Variants in KIAA1328 observed in about 807,000 individuals in gnomAD.
KIAA1328 encodes protein hinderin.
In KIAA1328, 52 loss-of-function variants were observed where a neutral mutation model predicts 68.1. The observed-to-expected ratio is 0.76, with a 90% CI of 0.61 to 0.96. The LOEUF is 0.96. KIAA1328 is among the 40% of genes least tolerant of loss of function. The pLI is 0.00. For synonymous variants in KIAA1328, 232 were observed against 239.4 expected (o/e 0.97, Z 0.28); for missense variants, 641 against 677.6 (o/e 0.95, Z 0.60).
At chr18:37,093,067 A>G (rs2057309731) in intron 7 of KIAA1328, among the ~76,000 whole-genome samples, 1 of 152,190 alleles carries the variant, frequency 6.6e-6, no homozygotes, top group East Asian at 1.9e-4. Flanking sequence ...AAAATCATGA[A>G]GACTACACTA....
chr18:36,925,388 G>T (rs928490344), intron 5 of KIAA1328, among the ~76,000 whole-genome samples: 1 of 152,168 alleles, frequency 6.6e-6, no homozygotes, highest in Non-Finnish European at 1.5e-5. Flanking sequence ...GTGTTTTGTA[G>T]ACCATGAATT....
intron 3 of KIAA1328, among the ~76,000 whole-genome samples, chr18:36,840,237 G>T (rs1277327812): frequency 1.3e-5 from 2 of 152,096 alleles, no homozygotes; most frequent in Admixed American, 1.3e-4. Flanking sequence ...TGTGTTGCCT[G>T]CTATCCAATG....
intron 5 of KIAA1328, among the ~76,000 whole-genome samples, chr18:36,927,946 G>A (rs935926733): frequency 2.0e-5 from 3 of 152,070 alleles, no homozygotes; most frequent in Non-Finnish European, 2.9e-5. Flanking sequence ...GAGTGCCCTC[G>A]TAAGAACAAG....
At chr18:37,178,263 A>G (rs1001821675) in intron 9 of KIAA1328, among the ~76,000 whole-genome samples, 6 of 152,064 alleles carry the variant, frequency 3.9e-5, no homozygotes, top group African/African-American at 1.4e-4. Context: ...CTTCTATGAG[A>G]TCAACGTTTC....
At chr18:37,060,372 G>A (rs561937999) in intron 6 of KIAA1328, among the ~76,000 whole-genome samples, 13 of 152,114 alleles carry the variant, frequency 8.5e-5, no homozygotes, top group African/African-American at 2.7e-4. Context: ...ACATTCACAT[G>A]ACCAAAAAGC....
intron 9 of KIAA1328, among the ~76,000 whole-genome samples, chr18:37,197,266 C>G (rs1291774728): frequency 1.3e-5 from 2 of 151,694 alleles, no homozygotes; most frequent in Non-Finnish European, 2.9e-5. Flanking sequence ...TTTTTAAAAA[C>G]CTACTTTTTG....
intron 7 of KIAA1328, among the ~76,000 whole-genome samples, chr18:37,070,745 A>G (rs2056496503): frequency 6.6e-6 from 1 of 151,578 alleles, no homozygotes; most frequent in Admixed American, 6.6e-5. Flanking sequence ...TAGTTTTTAT[A>G]TATGTATTTT....
chr18:37,107,947 A>G (rs1314635664), intron 7 of KIAA1328, among the ~76,000 whole-genome samples: 1 of 152,150 alleles, frequency 6.6e-6, no homozygotes, highest in African/African-American at 2.4e-5. Flanking sequence ...AAACGCAGCC[A>G]CTGTAGAAAG....
intron 7 of KIAA1328, among the ~76,000 whole-genome samples, chr18:37,087,307 G>A (rs956845067): frequency 1.4e-4 from 21 of 152,138 alleles, no homozygotes; most frequent in Admixed American, 9.8e-4. Context: ...TAATCTACCC[G>A]CCTCAGCTTC....
At chr18:37,221,033 T>A (rs1257168954) in intron 9 of KIAA1328, among the ~76,000 whole-genome samples, 1 of 151,998 alleles carries the variant, frequency 6.6e-6, no homozygotes, top group African/African-American at 2.4e-5. Context: ...CACCATGTTG[T>A]CCAGGCTGGT....
intron 9 of KIAA1328, among the ~76,000 whole-genome samples, chr18:37,191,125 C>T (rs1471384576): frequency 3.3e-5 from 5 of 152,188 alleles, no homozygotes; most frequent in Admixed American, 6.5e-5. Context: ...TCTCTGTTGA[C>T]TCCCATTCCC....
intron 1 of KIAA1328, chr18:36,832,939 C>G (rs1048506884): frequency 2.0e-5 from 3 of 151,464 alleles, no homozygotes; most frequent in Admixed American, 6.6e-5. Context: ...TGGGTTCACA[C>G]CATTCTCCTG....
chr18:37,091,289 CAGA>C (rs1475687878), intron 7 of KIAA1328, among the ~76,000 whole-genome samples: 1 of 152,106 alleles, frequency 6.6e-6, no homozygotes, highest in Non-Finnish European at 1.5e-5. Context: ...CTCTGAGGCA[CAGA>C]AGGAGAGAGA....
intron 5 of KIAA1328, among the ~76,000 whole-genome samples, chr18:36,904,871 T>G (rs1243502643): frequency 2.0e-5 from 3 of 152,010 alleles, no homozygotes; most frequent in African/African-American, 7.2e-5. Flanking sequence ...GCTATGGCTC[T>G]GTTCTGTATT....
At chr18:37,051,522 C>T (rs2055692982) in intron 6 of KIAA1328, among the ~76,000 whole-genome samples, 1 of 152,140 alleles carries the variant, frequency 6.6e-6, no homozygotes, top group African/African-American at 2.4e-5. Context: ...AAATCCTAAA[C>T]AGACCAAATA....
chr18:36,843,401 T>C (rs1202599603), intron 3 of KIAA1328, among the ~76,000 whole-genome samples: 1 of 152,198 alleles, frequency 6.6e-6, no homozygotes, highest in Admixed American at 6.5e-5. Flanking sequence ...GTTGCGCAAA[T>C]GCCAAGGATT....
At chr18:36,988,989 T>C (rs976877935) in intron 6 of KIAA1328, among the ~76,000 whole-genome samples, 4 of 152,214 alleles carry the variant, frequency 2.6e-5, no homozygotes, top group African/African-American at 9.6e-5. Flanking sequence ...AAATGCTTTA[T>C]GACAGTTCAC....
intron 7 of KIAA1328, among the ~76,000 whole-genome samples, chr18:37,139,494 G>A (rs1041740963): frequency 1.3e-5 from 2 of 152,052 alleles, no homozygotes; most frequent in Admixed American, 6.6e-5. Flanking sequence ...CTTTCAAATA[G>A]CAGGTGGAAT....
At chr18:37,195,821 A>G (rs1204633180) in intron 9 of KIAA1328, among the ~76,000 whole-genome samples, 1 of 152,102 alleles carries the variant, frequency 6.6e-6, no homozygotes, top group African/African-American at 2.4e-5. Context: ...TGGGATTTTT[A>G]AAAATTTCTG....
Sources: allele counts gnomAD v4.1 joint callset (sites outside exome capture counted in the v4.1 genomes callset), GRCh38; gene constraint gnomAD v4.1.1; transcripts MANE v1.5; gene names NCBI Gene and HGNC (gene_info 2026-07-23, HGNC 2026-07-21).